Variants in PCDHA2 observed in about 807,000 individuals in gnomAD.
PCDHA2 encodes the protein protocadherin alpha-2.
Under a neutral mutation model 66.0 loss-of-function variants are expected in PCDHA2, and 58 were observed. The observed-to-expected ratio is 0.88, with a 90% CI of 0.71 to 1.09. PCDHA2 has a LOEUF of 1.09. Ranked by LOEUF, PCDHA2 falls within the 50% of genes least tolerant of loss-of-function variation. The pLI, the probability that PCDHA2 is intolerant of heterozygous loss-of-function variation, is 0.00. For missense variants in PCDHA2, 1,267 were observed against 1,242.3 expected, an observed-to-expected ratio of 1.02 and a Z score of -0.30; for synonymous variants, 634 against 554.0, an observed-to-expected ratio of 1.14 and a Z score of -2.03.
chr5:140,875,313 C>T, intron 1 of PCDHA2: 3 of 1,425,730 alleles, frequency 2.1e-6, no homozygotes, highest in Non-Finnish European at 9.1e-7. Flanking sequence ...CACCCACATT[C>T]CAATCATTCA....
chr5:140,883,362 C>T lies in PCDHA2; in HGVS notation c.2388+86010C>T, dbSNP rs1554177843. ...CTCCCCATCAGAGAAGACACTCAGC[C>T]TAGCGCCATTATTGCCCTAATCAGT... On this transcript the variant is annotated intron_variant, in intron 1 of 3. Transcript: ENST00000526136. The T allele has an allele frequency of 1.7e-5, 27 of 1,614,074 alleles. No homozygotes were observed. Among genetic ancestry groups the T allele is most frequent in the Non-Finnish European group, 2.3e-5 (27 of 1,180,046 alleles).
At position 141,005,925 on chromosome 5, in the gene PCDHA2, T is replaced by C. The variant is rs368127914; in HGVS notation, c.2537-3702T>C. On this transcript the variant is annotated intron_variant, in intron 3 of 3. Transcript: ENST00000526136. ...TTGCACCACTGCACTTCAGCCTGGT[T>C]GACAGAGTGAGAACCTATCTCTAAC... 4.1e-4 allele frequency among the ~76,000 whole-genome samples: 62 copies of C among 151,990 alleles called. 1 individual carries two copies. The highest frequency in any genetic ancestry group is 1.4e-3 in the African/African-American group (59 of 41,476).
intron 1 of PCDHA2, among the ~76,000 whole-genome samples, chr5:140,953,471 C>T (rs554082808): frequency 3.9e-5 from 6 of 152,074 alleles, no homozygotes; most frequent in Non-Finnish European, 7.4e-5. Flanking sequence ...TTTTAACTTC[C>T]TCATGCTGTG....
chr5:140,876,185 A>AC (rs782573528), intron 1 of PCDHA2: 1 of 1,613,986 alleles, frequency 6.2e-7, no homozygotes, highest in East Asian at 2.2e-5. Context: ...GTGAATGACA[A>AC]TGGTCCGGCG....
intron 1 of PCDHA2, chr5:140,871,073 C>T (rs782763189): frequency 1.1e-5 from 18 of 1,613,090 alleles, no homozygotes; most frequent in Non-Finnish European, 1.4e-5. Context: ...GGTGAGCCGG[C>T]GCTGACGGCC....
chr5:141,005,701 C>CAAAAAA (rs59860837), intron 3 of PCDHA2, among the ~76,000 whole-genome samples: 13 of 7,792 alleles, frequency 1.7e-3, no homozygotes, highest in East Asian at 3.2e-3. Context: ...AACTCCGTCT[C>CAAAAAA]AAAAAAAAAA....
At chr5:140,811,298 G>A (rs544092500) in intron 1 of PCDHA2, 2 of 152,334 alleles carry the variant, frequency 1.3e-5, no homozygotes, top group East Asian at 3.9e-4. Flanking sequence ...TCAGAATGAC[G>A]GTTTCCAGCT....
intron 1 of PCDHA2, chr5:140,823,923 G>A (rs1767928713): frequency 6.2e-6 from 10 of 1,614,002 alleles, no homozygotes; most frequent in Non-Finnish European, 7.6e-6. Context: ...CGCTGCTGCT[G>A]TACACCGCGC....
At chr5:140,860,280 G>A (rs1339122152) in intron 1 of PCDHA2, 2 of 151,906 alleles carry the variant, frequency 1.3e-5, no homozygotes, top group Admixed American at 1.3e-4. Context: ...ACTTGGGAGG[G>A]TGAGGTGGGA....
At chr5:140,848,283 C>G in intron 1 of PCDHA2, 1 of 605,274 alleles carries the variant, frequency 1.7e-6, no homozygotes, top group Non-Finnish European at 2.9e-6. Context: ...TATGTACTTA[C>G]ACTTTGGGCC....
rs77078209 is a variant in PCDHA2 at position 140,927,973 on chromosome 5, C to T, written c.2389-50976C>T. ...CGCTGCCCCTGGCACAGTGATTGCT[C>T]TCTTTAGTGTAAAGGATGAAGACCT... On this transcript the variant is annotated intron_variant, in intron 1 of 3. Transcript: ENST00000526136. The T allele has an allele frequency of 1.9e-6, 3 of 1,614,216 alleles. No individual in the cohort carries two copies. The East Asian group carries it at 6.7e-5, about 36-fold the overall frequency.
In PCDHA2 at chr5:140,795,214, T is replaced by C. The variant is rs1554119302; in HGVS notation, c.250T>C (p.Leu84=). The C allele has an allele frequency of 6.2e-7, 1 of 1,614,190 alleles. No individual in the cohort carries two copies. Among genetic ancestry groups the C allele is most frequent in the East Asian group, 2.2e-5 (1 of 44,890 alleles). The change falls in exon 1 of 4, where the codon TTG becomes CTG. Residue 84 remains leucine (L), a synonymous_variant. Transcript: ENST00000526136. ...LLEVNLQNGI[L]FVNSRIDREE... is the part of the protein sequence containing the mutation. ...GGAGGTAAATCTGCAGAATGGCATT[T>C]TGTTTGTGAATTCTCGGATCGACCG... is the stretch of plus-strand genomic sequence containing the variant.
chr5:140,852,813 C>T, intron 1 of PCDHA2: 1 of 972,188 alleles, frequency 1.0e-6, no homozygotes, highest in Non-Finnish European at 1.2e-6. Context: ...TGTCTCCCGC[C>T]CTAAGTCCTC....
intron 1 of PCDHA2, chr5:140,824,139 A>G (rs1363809493): frequency 8.1e-6 from 13 of 1,612,128 alleles, no homozygotes; most frequent in Non-Finnish European, 1.0e-5. Context: ...TGAGTTTTCT[A>G]ATATTAACAT....
intron 1 of PCDHA2, chr5:140,823,750 A>G (rs2150128815): frequency 2.0e-5 from 32 of 1,613,782 alleles, no homozygotes; most frequent in Non-Finnish European, 2.5e-5. Flanking sequence ...GCCCCCGCTG[A>G]CAGCCACAGC....
chr5:140,841,970 G>C, intron 1 of PCDHA2: 6 of 1,613,902 alleles, frequency 3.7e-6, no homozygotes, highest in Non-Finnish European at 5.1e-6. Context: ...AGCCACAGAT[G>C]GGGGCAAACC....
chr5:140,881,453 C>T (rs554262236), intron 1 of PCDHA2: 48 of 714,052 alleles, frequency 6.7e-5, no homozygotes, highest in Admixed American at 6.2e-5. Context: ...GAATCCAAAA[C>T]CTTAGAGCAT....
intron 3 of PCDHA2, among the ~76,000 whole-genome samples, chr5:140,991,523 T>A (rs73268060): frequency 0.032 from 4,843 of 152,294 alleles, 263 homozygotes; most frequent in African/African-American, 0.11. Flanking sequence ...CAAGGTGTGT[T>A]CTTGCCACTA....
chr5:140,817,252 T>A (rs1766096602), intron 1 of PCDHA2: 1 of 152,374 alleles, frequency 6.6e-6, no homozygotes, highest in African/African-American at 2.4e-5. Context: ...GAGCTGGGAA[T>A]TTCCCCCTGT....
Sources: allele counts gnomAD v4.1 joint callset (sites outside exome capture counted in the v4.1 genomes callset), GRCh38; gene constraint gnomAD v4.1.1; transcripts MANE v1.5; gene names NCBI Gene and HGNC (gene_info 2026-07-23, HGNC 2026-07-21).